STX8: variants seen among roughly 807,000 people sequenced by gnomAD.
STX8 encodes syntaxin 8, also known as syntaxin-8.
STX8 carries 23 observed loss-of-function variants against 37.5 expected under a neutral mutation model. That is an observed-to-expected ratio of 0.61 (90% CI 0.44 to 0.87). The LOEUF (loss-of-function observed/expected upper bound fraction) is 0.87. STX8 is among the 40% of genes least tolerant of loss of function. The pLI, the probability that STX8 is intolerant of heterozygous loss-of-function variation, is 0.00. For missense variants in STX8, 313 were observed against 284.7 expected (o/e 1.10, Z -0.71); for synonymous variants, 115 against 99.1 (o/e 1.16, Z -0.95).
At chr17:9,333,128 TAC>T (rs1910015098) in intron 7 of STX8, among the ~76,000 whole-genome samples, 1 of 152,174 alleles carries the variant, frequency 6.6e-6, no homozygotes, top group African/African-American at 2.4e-5. Flanking sequence ...ATTCAGGAGG[TAC>T]ATATACAGAT....
At chr17:9,575,505 G>C (rs182354781) in intron 1 of STX8, among the ~76,000 whole-genome samples, 39 of 152,312 alleles carry the variant, frequency 2.6e-4, no homozygotes, top group African/African-American at 7.9e-4. Context: ...GGATGGGCGG[G>C]AAATCCCCGC....
rs564045121 is a variant in STX8, at chr17:9,388,701, G to A, written c.542-10048C>T. Among the ~76,000 whole-genome samples, 3 of 151,630 alleles carry A rather than the reference G, an allele frequency of 2.0e-5. No individual in the cohort carries two copies. The East Asian group carries it at 5.9e-4, about 30-fold the overall frequency. ...GCCTGTAATCCCACCTACTTAGGAG[G>A]CTGAGGCAGGAGAATTGCTTGAACC... On this transcript the variant is annotated intron_variant, in intron 6 of 7. Transcript: ENST00000306357.
intron 7 of STX8, among the ~76,000 whole-genome samples, chr17:9,355,650 C>T (rs1027312026): frequency 9.9e-5 from 15 of 152,100 alleles, no homozygotes; most frequent in Middle Eastern, 3.4e-3. Flanking sequence ...GCTGGGATTA[C>T]AGGCGCGCTC....
chr17:9,404,576 T>A (rs1209997373), intron 6 of STX8, among the ~76,000 whole-genome samples: 1 of 152,066 alleles, frequency 6.6e-6, no homozygotes, highest in African/African-American at 2.4e-5. Context: ...TGCCTCAGCC[T>A]CCCGAGTGGC....
chr17:9,447,267 A>G (rs2142396183), intron 6 of STX8, among the ~76,000 whole-genome samples: 1 of 152,350 alleles, frequency 6.6e-6, no homozygotes, highest in Middle Eastern at 3.4e-3. Flanking sequence ...AGCTATTACT[A>G]TGACAAAACT....
At chr17:9,491,034 G>A (rs530858706) in intron 6 of STX8, among the ~76,000 whole-genome samples, 30 of 152,240 alleles carry the variant, frequency 2.0e-4, no homozygotes, top group African/African-American at 4.8e-4. Flanking sequence ...GCTGTCACAC[G>A]TCACCTCTAC....
At chr17:9,404,715 A>T (rs898979147) in intron 6 of STX8, among the ~76,000 whole-genome samples, 4 of 152,158 alleles carry the variant, frequency 2.6e-5, no homozygotes, top group Non-Finnish European at 5.9e-5. Context: ...GGCCTCCCAA[A>T]GTGCTGGGAT....
chr17:9,525,416 G>A (rs562146425), intron 4 of STX8, among the ~76,000 whole-genome samples: 93 of 150,868 alleles, frequency 6.2e-4, no homozygotes, highest in African/African-American at 2.2e-3. Flanking sequence ...GCATGATCTC[G>A]GCTCACTGCA....
chr17:9,565,598 A>AGCG (rs1907423813), intron 2 of STX8, among the ~76,000 whole-genome samples: 2 of 107,456 alleles, frequency 1.9e-5, no homozygotes, highest in East Asian at 5.7e-4. Flanking sequence ...CCTAGGTGAG[A>AGCG]AGAAACACCG....
intron 7 of STX8, among the ~76,000 whole-genome samples, chr17:9,289,478 C>T (rs11868629): frequency 0.43 from 64,689 of 151,560 alleles, 14,119 homozygotes; most frequent in African/African-American, 0.47. Context: ...ATAAAAAAGA[C>T]AGATTATTTG....
At chr17:9,476,579 A>G (rs1246121946) in intron 6 of STX8, among the ~76,000 whole-genome samples, 2 of 151,848 alleles carry the variant, frequency 1.3e-5, no homozygotes, top group Non-Finnish European at 2.9e-5. Flanking sequence ...CAGCCTCCCA[A>G]GTAGCTGGGA....
chr17:9,332,025 C>T (rs1244182345), intron 7 of STX8, among the ~76,000 whole-genome samples: 2 of 152,194 alleles, frequency 1.3e-5, no homozygotes, highest in African/African-American at 2.4e-5. Flanking sequence ...AGTCTGGGAT[C>T]TTCAAATAAA....
At chr17:9,287,327 C>T (rs1908115140) in intron 7 of STX8, among the ~76,000 whole-genome samples, 1 of 152,170 alleles carries the variant, frequency 6.6e-6, no homozygotes, top group Non-Finnish European at 1.5e-5. Context: ...CCCCAGGTCC[C>T]TGCCACCACC....
intron 6 of STX8, among the ~76,000 whole-genome samples, chr17:9,419,921 C>T (rs1913361132): frequency 6.6e-6 from 1 of 152,190 alleles, no homozygotes; most frequent in Non-Finnish European, 1.5e-5. Context: ...GCTAACTTTT[C>T]AGTAATTGTG....
At chr17:9,535,581 C>G (rs1047561232) in intron 4 of STX8, among the ~76,000 whole-genome samples, 1 of 151,588 alleles carries the variant, frequency 6.6e-6, no homozygotes, top group Admixed American at 6.6e-5. Flanking sequence ...TACAGGCACC[C>G]GCCACCACGC....
intron 7 of STX8, among the ~76,000 whole-genome samples, chr17:9,254,122 C>T (rs1906692964): frequency 6.6e-6 from 1 of 152,148 alleles, no homozygotes; most frequent in Non-Finnish European, 1.5e-5. Context: ...TTACAGTGGC[C>T]AAGGGGGTCT....
chr17:9,329,114 G>C (rs983327713), intron 7 of STX8, among the ~76,000 whole-genome samples: 2 of 122,466 alleles, frequency 1.6e-5, no homozygotes, highest in Non-Finnish European at 3.3e-5. Flanking sequence ...TGAATTCCCA[G>C]AGCATAATGG....
chr17:9,516,643 T>C (rs970925616), intron 4 of STX8, among the ~76,000 whole-genome samples: 2 of 152,142 alleles, frequency 1.3e-5, no homozygotes, highest in African/African-American at 4.8e-5. Flanking sequence ...GATTCTCTTT[T>C]CATTTGGTTT....
chr17:9,435,528 T>C (rs780313157), intron 6 of STX8, among the ~76,000 whole-genome samples: 5 of 152,156 alleles, frequency 3.3e-5, no homozygotes, highest in Admixed American at 6.6e-5. Flanking sequence ...ACATGCCCTG[T>C]TTCCCCAGAC....
Sources: gnomAD v4.1 joint callset for allele counts (sites outside exome capture counted in the v4.1 genomes callset) on GRCh38, gnomAD v4.1.1 for gene constraint, MANE v1.5 for transcripts, NCBI Gene and HGNC (gene_info 2026-07-23, HGNC 2026-07-21) for gene names.